Variants in ACVR1C observed in about 807,000 individuals in gnomAD.
The protein encoded by ACVR1C is activin A receptor type 1C, also known as activin receptor type-1C.
In ACVR1C, 23 loss-of-function variants were observed where a neutral mutation model predicts 57.9. That is an observed-to-expected ratio of 0.40 (90% CI 0.29 to 0.56). The LOEUF (loss-of-function observed/expected upper bound fraction) is 0.56, where lower values mean the gene tolerates loss of function less well. ACVR1C is among the 20% of genes least tolerant of loss of function. The probability of loss-of-function intolerance (pLI) is 0.50; values close to 1 mark genes in which losing one functional copy is unlikely to be tolerated. For missense variants in ACVR1C, 480 were observed against 607.9 expected, an observed-to-expected ratio of 0.79 and a Z score of 2.21; for synonymous variants, 214 against 215.3, an observed-to-expected ratio of 0.99 and a Z score of 0.05.
At chr2:157,593,421 CAT>C (rs1181136151) in intron 1 of ACVR1C, among the ~76,000 whole-genome samples, 1 of 152,160 alleles carries the variant, frequency 6.6e-6, no homozygotes, top group African/African-American at 2.4e-5. Flanking sequence ...AAACATCTGA[CAT>C]AAACTCTTTC....
intron 3 of ACVR1C, among the ~76,000 whole-genome samples, chr2:157,555,180 G>A (rs1002478503): frequency 9.1e-5 from 12 of 131,814 alleles, no homozygotes; most frequent in Non-Finnish European, 1.2e-4. Flanking sequence ...CTGCAGTGGC[G>A]CAATCTCGGC....
intron 4 of ACVR1C, among the ~76,000 whole-genome samples, chr2:157,546,470 T>C (rs975437053): frequency 6.6e-6 from 1 of 152,188 alleles, no homozygotes; most frequent in African/African-American, 2.4e-5. Flanking sequence ...TGATTAAGTT[T>C]ATATTAGATA....
At chr2:157,611,000 T>C (rs1682519588) in intron 1 of ACVR1C, among the ~76,000 whole-genome samples, 1 of 152,212 alleles carries the variant, frequency 6.6e-6, no homozygotes, top group South Asian at 2.1e-4. Context: ...CTCAACAATT[T>C]GAATTCTTTA....
At chr2:157,565,764 C>G (rs1423277784) in intron 2 of ACVR1C, among the ~76,000 whole-genome samples, 1 of 152,138 alleles carries the variant, frequency 6.6e-6, no homozygotes, top group African/African-American at 2.4e-5. Flanking sequence ...TTATAGCTGA[C>G]AGGGAGTGCC....
At chr2:157,553,309 G>T (rs747717295) in intron 3 of ACVR1C, among the ~76,000 whole-genome samples, 1 of 152,002 alleles carries the variant, frequency 6.6e-6, no homozygotes, top group Non-Finnish European at 1.5e-5. Context: ...ACTGCCAAAC[G>T]TATGCAACTG....
intron 2 of ACVR1C, among the ~76,000 whole-genome samples, chr2:157,559,861 G>A (rs1198184934): frequency 6.6e-6 from 1 of 150,956 alleles, no homozygotes; most frequent in Non-Finnish European, 1.5e-5. Context: ...CAAGACAGCA[G>A]GAAGAAAAGG....
chr2:157,588,779 T>A lies in ACVR1C; in HGVS notation c.74-1362A>T, dbSNP rs1045006938. Among the ~76,000 whole-genome samples the A allele has an allele frequency of 2.0e-5, 3 of 149,286 alleles. No individual in the cohort carries two copies. In the Admixed American group the frequency reaches 2.0e-4, roughly 10 times the overall value. ...GCTGCAAGAGACTATTTCATTCTTT[T>A]TTATGGCTGAGTTGTATTCTATGAT... On this transcript the variant is annotated intron_variant, in intron 1 of 8. Transcript: ENST00000243349.
intron 1 of ACVR1C, among the ~76,000 whole-genome samples, chr2:157,610,290 A>G (rs1483509698): frequency 6.6e-6 from 1 of 152,104 alleles, no homozygotes; most frequent in African/African-American, 2.4e-5. Flanking sequence ...TTTCTCCTTC[A>G]TTGATGAAGG....
chr2:157,549,748 G>A (rs35315397), intron 4 of ACVR1C, among the ~76,000 whole-genome samples: 2 of 151,594 alleles, frequency 1.3e-5, no homozygotes, highest in East Asian at 3.9e-4. Flanking sequence ...CACTTTGGGA[G>A]GCCGAGGCGG....
intron 2 of ACVR1C, among the ~76,000 whole-genome samples, chr2:157,559,931 G>A (rs1688197143): frequency 6.6e-6 from 1 of 151,008 alleles, no homozygotes; most frequent in South Asian, 2.1e-4. Flanking sequence ...GAAGGAAAAA[G>A]GAAAGAGAGA....
At chr2:157,559,156 T>C (rs1688176844) in intron 2 of ACVR1C, among the ~76,000 whole-genome samples, 1 of 152,156 alleles carries the variant, frequency 6.6e-6, no homozygotes, top group South Asian at 2.1e-4. Context: ...ACCCTAAAAA[T>C]AGAATAATCT....
chr2:157,573,186 A>T (rs1688564573), intron 2 of ACVR1C, among the ~76,000 whole-genome samples: 1 of 152,164 alleles, frequency 6.6e-6, no homozygotes, highest in Admixed American at 6.5e-5. Context: ...CTTCTTTCAA[A>T]TGCAAACCTT....
At chr2:157,620,061 G>A (rs1682734743) in intron 1 of ACVR1C, among the ~76,000 whole-genome samples, 1 of 151,976 alleles carries the variant, frequency 6.6e-6, no homozygotes, top group Non-Finnish European at 1.5e-5. Flanking sequence ...ACTTCTAAAG[G>A]GGTCCAGTTG....
At chr2:157,581,516 C>T (rs996640207) in intron 2 of ACVR1C, among the ~76,000 whole-genome samples, 3 of 151,950 alleles carry the variant, frequency 2.0e-5, no homozygotes, top group Admixed American at 2.0e-4. Context: ...GAGCTCTAGT[C>T]AGGAGAAAAA....
intron 1 of ACVR1C, among the ~76,000 whole-genome samples, chr2:157,589,820 G>A (rs1431058477): frequency 1.3e-5 from 2 of 151,860 alleles, no homozygotes; most frequent in African/African-American, 2.4e-5. Context: ...CATGGTACTG[G>A]TATAAAAGTA....
chr2:157,535,555 C>A (rs569702230), intron 8 of ACVR1C, among the ~76,000 whole-genome samples: 2 of 152,052 alleles, frequency 1.3e-5, no homozygotes, highest in Admixed American at 1.3e-4. Flanking sequence ...TGGCCAGGTG[C>A]GGTGGCTCAC....
At chr2:157,556,070 A>G in intron 3 of ACVR1C, 23 bp downstream of exon 3, 7 of 1,584,392 alleles carry the variant, frequency 4.4e-6, no homozygotes, top group Non-Finnish European at 6.0e-6. Flanking sequence ...CTTATTTTAA[A>G]AAAATGGACA....
At position 157,528,406 on chromosome 2, in the gene ACVR1C, G is replaced by A. The variant is rs761855072; in HGVS notation, c.*5512C>T. 5.3e-5 allele frequency: 8 copies of A among 152,128 alleles called. No individual in the cohort carries two copies. The highest frequency in any genetic ancestry group is 2.0e-4 in the Admixed American group (3 of 15,246). 9.4% of individuals were successfully genotyped at this position (152,128 alleles called of 1,614,324 possible). On this transcript the variant is annotated 3_prime_UTR_variant, in exon 9 of 9. Transcript: ENST00000243349. ...TTCTTTTAGGACAACTTGGACCAATGATCAGGAAATACAGTCACATCTGAA... is the reference window on the plus strand; with the variant it reads ...TTCTTTTAGGACAACTTGGACCAATAATCAGGAAATACAGTCACATCTGAA...
intron 1 of ACVR1C, among the ~76,000 whole-genome samples, chr2:157,601,381 T>TAG (rs1221939294): frequency 1.8e-4 from 27 of 152,200 alleles, no homozygotes; most frequent in Admixed American, 8.5e-4. Context: ...CCTGGTTCCT[T>TAG]TTATCTATCA....
Sources: gnomAD v4.1 joint callset for allele counts (sites outside exome capture counted in the v4.1 genomes callset) on GRCh38, gnomAD v4.1.1 for gene constraint, MANE v1.5 for transcripts, NCBI Gene and HGNC (gene_info 2026-07-23, HGNC 2026-07-21) for gene names.